The following GRIA1 variants were observed in gnomAD, a reference collection of about 807,000 sequenced individuals.
The protein encoded by GRIA1 is glutamate receptor 1.
In GRIA1, 31 loss-of-function variants were observed where a neutral mutation model predicts 99.2. The observed-to-expected ratio is 0.31, with a 90% CI of 0.23 to 0.42. The LOEUF is 0.42. Among genes scored for constraint, GRIA1 ranks in the 10% least tolerant of loss-of-function variants. GRIA1 has a pLI of 1.00. For synonymous variants in GRIA1, 438 were observed against 432.4 expected, an observed-to-expected ratio of 1.01 and a Z score of -0.16; for missense variants, 782 against 1,157.5, an observed-to-expected ratio of 0.68 and a Z score of 4.71.
At chr5:153,548,582 G>A (rs1044384272) in intron 2 of GRIA1, among the ~76,000 whole-genome samples, 5 of 152,114 alleles carry the variant, frequency 3.3e-5, no homozygotes, top group Admixed American at 6.5e-5. Context: ...CTAACTTCAG[G>A]ACTGATGGTT....
At chr5:153,509,766 A>G (rs1191152311) in intron 2 of GRIA1, among the ~76,000 whole-genome samples, 1 of 152,172 alleles carries the variant, frequency 6.6e-6, no homozygotes, top group South Asian at 2.1e-4. Context: ...AGATTGAAGG[A>G]GATCAACTTG....
At chr5:153,572,308 G>C (rs551146739) in intron 2 of GRIA1, among the ~76,000 whole-genome samples, 1 of 152,246 alleles carries the variant, frequency 6.6e-6, no homozygotes, top group Non-Finnish European at 1.5e-5. Context: ...GTGATATTAG[G>C]ACCTGCTCAT....
intron 2 of GRIA1, among the ~76,000 whole-genome samples, chr5:153,566,673 C>A (rs1761657999): frequency 6.9e-6 from 1 of 145,722 alleles, no homozygotes; most frequent in Admixed American, 6.9e-5. Flanking sequence ...TTAACGTATT[C>A]TAGTTATAAG....
chr5:153,677,140 C>A lies in GRIA1; in HGVS notation c.1008C>A (p.Asp336Glu), dbSNP rs773723701. 12 of 1,540,492 alleles carry A rather than the reference C, an allele frequency of 7.8e-6. No individual in the cohort carries two copies. The highest frequency in any genetic ancestry group is 1.2e-5 in the South Asian group (1 of 81,074). The change falls in exon 7 of 16, where the codon GAC (aspartate) becomes GAA (glutamate). Residue 336 changes from aspartate (D) to glutamate (E), a missense_variant. Asp to Glu is a conservative substitution (Grantham distance 45). Around this residue, in one of 5 missense-constraint regions of GRIA1, gnomAD observed 461 missense variants for 521.7 expected, o/e 0.88. Coordinates refer to ENST00000285900, the MANE Select transcript of GRIA1 (RefSeq NM_000827.4). ...NPAVPWGQGIDIQRALQQVRF... is the reference protein window; with the variant it reads ...NPAVPWGQGIEIQRALQQVRF... ...CTGTTCCCTGGGGCCAAGGGATCGA[C>A]ATCCAGAGAGCTCTGCAGCAGGTAA... is the stretch of plus-strand genomic sequence containing the variant.
chr5:153,792,532 A>G (rs973807134), intron 13 of GRIA1, among the ~76,000 whole-genome samples: 4 of 152,176 alleles, frequency 2.6e-5, no homozygotes, highest in African/African-American at 9.7e-5. Flanking sequence ...CTTTCTACAT[A>G]CATTCCCTTA....
At chr5:153,619,696 A>G (rs78533647) in intron 2 of GRIA1, among the ~76,000 whole-genome samples, 2 of 142,534 alleles carry the variant, frequency 1.4e-5, no homozygotes, top group Non-Finnish European at 2.9e-5. Flanking sequence ...AAATTATTTT[A>G]AAAAAAAGAG....
At chr5:153,559,903 C>G (rs567101137) in intron 2 of GRIA1, among the ~76,000 whole-genome samples, 1 of 152,186 alleles carries the variant, frequency 6.6e-6, no homozygotes. Flanking sequence ...TGCACTCCAA[C>G]CCCACTCACC....
At chr5:153,570,692 C>G (rs1227211884) in intron 2 of GRIA1, among the ~76,000 whole-genome samples, 1 of 152,104 alleles carries the variant, frequency 6.6e-6, no homozygotes, top group Non-Finnish European at 1.5e-5. Flanking sequence ...CTTCTCCAAG[C>G]CTCGGTTTTC....
chr5:153,701,605 A>G (rs934758066), intron 10 of GRIA1, among the ~76,000 whole-genome samples: 1 of 126,830 alleles, frequency 7.9e-6, no homozygotes, highest in Non-Finnish European at 1.6e-5. Flanking sequence ...TGGGCGACAA[A>G]GCGAGACCCG....
At chr5:153,671,028 C>A (rs987677402) in intron 5 of GRIA1, among the ~76,000 whole-genome samples, 1 of 152,084 alleles carries the variant, frequency 6.6e-6, no homozygotes, top group Non-Finnish European at 1.5e-5. Context: ...AATTTTGTTT[C>A]TTTTACTTAA....
intron 2 of GRIA1, among the ~76,000 whole-genome samples, chr5:153,614,987 A>G (rs942229412): frequency 6.6e-6 from 1 of 152,214 alleles, no homozygotes; most frequent in Non-Finnish European, 1.5e-5. Flanking sequence ...ATTATCATTA[A>G]CAATTTAGGC....
At position 153,699,049 on chromosome 5, in the gene GRIA1, C is replaced by T; in HGVS notation, c.1428C>T (p.Gly476=). The change falls in exon 10 of 16, where the codon GGC becomes GGT. Residue 476 remains glycine, a synonymous_variant. Coordinates refer to ENST00000285900, the MANE Select transcript of GRIA1 (RefSeq NM_000827.4). ...ARDPDTKAWN[G]MVGELVYGRA... is the part of the protein sequence containing the mutation. The stretch of plus-strand genomic sequence containing the variant: ...ACCCTGACACGAAGGCCTGGAATGG[C>T]ATGGTGGGAGAGCTGGTCTATGGAG... 6.2e-7 allele frequency: 1 copy of T among 1,613,338 alleles called. No homozygotes were observed. The highest frequency in any genetic ancestry group is 8.5e-7 in the Non-Finnish European group (1 of 1,179,406).
intron 2 of GRIA1, among the ~76,000 whole-genome samples, chr5:153,553,724 G>A (rs866338802): frequency 6.6e-6 from 1 of 152,184 alleles, no homozygotes; most frequent in Non-Finnish European, 1.5e-5. Context: ...GCATGCTTGA[G>A]CTCATTCACC....
intron 2 of GRIA1, among the ~76,000 whole-genome samples, chr5:153,609,564 T>C (rs991913585): frequency 0.11 from 14,706 of 134,940 alleles, 1,126 homozygotes; most frequent in Non-Finnish European, 0.16. Context: ...TCTTTTTTTT[T>C]TTTTTTTTTT....
chr5:153,497,994 G>T (rs1754609649), intron 2 of GRIA1, among the ~76,000 whole-genome samples: 1 of 152,100 alleles, frequency 6.6e-6, no homozygotes, highest in South Asian at 2.1e-4. Flanking sequence ...GATAAATAGG[G>T]TTATCTATCT....
At chr5:153,686,155 TC>T in intron 7 of GRIA1, 69 bp from the exon 8 acceptor site, 1 of 1,122,012 alleles carries the variant, frequency 8.9e-7, no homozygotes, top group Non-Finnish European at 1.4e-6. Context: ...AATTTCTACT[TC>T]AGTGGAAAAA....
chr5:153,698,233 C>G, intron 9 of GRIA1, 79 bp downstream of exon 9: 1 of 750,480 alleles, frequency 1.3e-6, no homozygotes, highest in East Asian at 2.6e-5. Flanking sequence ...GGACTGAAAG[C>G]TGGCCTTTCT....
At chr5:153,682,248 A>G (rs1256285900) in intron 7 of GRIA1, among the ~76,000 whole-genome samples, 1 of 152,038 alleles carries the variant, frequency 6.6e-6, no homozygotes, top group Non-Finnish European at 1.5e-5. Flanking sequence ...AGGAGGAAGG[A>G]TCCACCTGAG....
chr5:153,620,371 C>T (rs1417377440), intron 2 of GRIA1, among the ~76,000 whole-genome samples: 3 of 151,946 alleles, frequency 2.0e-5, no homozygotes, highest in Non-Finnish European at 2.9e-5. Context: ...GCGACAAGCA[C>T]TTAAAGGAAC....
Sources: gnomAD v4.1 joint callset for allele counts (sites outside exome capture counted in the v4.1 genomes callset) on GRCh38, gnomAD v4.1.1 for gene constraint, gnomAD v4.1.1 regional missense constraint, MANE v1.5 for transcripts, NCBI Gene and HGNC (gene_info 2026-07-23, HGNC 2026-07-21) for gene names.